LTF: variants seen among roughly 807,000 people sequenced by gnomAD.
LTF encodes the protein lactotransferrin.
A neutral mutation model predicts 87.2 loss-of-function variants in LTF; 91 were observed. The ratio of observed to expected loss-of-function variants is 1.04; its 90% CI spans 0.88 to 1.24. The LOEUF (loss-of-function observed/expected upper bound fraction) is 1.24. LTF is among the 50% of genes most tolerant of loss of function. The pLI is 0.00. For synonymous variants in LTF, 378 were observed against 356.1 expected, an observed-to-expected ratio of 1.06 and a Z score of -0.69; for missense variants, 901 against 904.3, an observed-to-expected ratio of 1.00 and a Z score of 0.05.
chr3:46,464,704 G>C lies in LTF; in HGVS notation c.43+121C>G. The C allele has an allele frequency of 3.7e-6, 4 of 1,082,398 alleles. No individual in the cohort carries two copies. In the South Asian group the frequency reaches 5.5e-5, roughly 15 times the overall value. The allele number at this position is 1,082,398 out of a possible 1,614,324, so 67.0% of individuals were successfully genotyped here. On this transcript the variant is annotated intron_variant, in intron 1 of 16. Coordinates refer to ENST00000231751, the MANE Select transcript of LTF (RefSeq NM_002343.6). ...GGGCCGCCTCCCGGCTGTAGGCGCTGGGACCGCGGGGCGCAGAGACCCCGC... is the reference window on the plus strand; with the variant it reads ...GGGCCGCCTCCCGGCTGTAGGCGCTCGGACCGCGGGGCGCAGAGACCCCGC...
rs6786341 is a variant in LTF at position 46,463,416 on chromosome 3, C to T, written c.43+1409G>A. On this transcript the variant is annotated intron_variant, in intron 1 of 16. Coordinates refer to ENST00000231751, the MANE Select transcript of LTF (RefSeq NM_002343.6). ...CAGACTCCTCCACCCAATGCTCACA[C>T]GGCTTAGATCCAGCTGGCCCCACTC... The T allele has an allele frequency of 9.0e-3, 8,779 of 970,504 alleles. 586 individuals carry two copies. In the African/African-American group the frequency reaches 0.14, roughly 15 times the overall value. The allele number at this position is 970,504 out of a possible 1,614,324, so 60.1% of individuals were successfully genotyped here.
rs779694288 is a variant in LTF, at chr3:46,436,227, G to A, written c.2101C>T (p.Leu701Phe). ...TNLKKCSTSP[L>F]LEACEFLRK ...CTGAGGAATTCACAGGCTTCCAGGAGGGCTGTGGGACACAACAGAGCAAGA... is the reference window on the plus strand; with the variant it reads ...CTGAGGAATTCACAGGCTTCCAGGAAGGCTGTGGGACACAACAGAGCAAGA... The change falls in exon 17 of 17, where the codon CTC (leucine) becomes TTC (phenylalanine). Residue 701 changes from leucine (L) to phenylalanine (F), a missense_variant and splice_region_variant. Physicochemically the swap from Leu to Phe is conservative, Grantham distance 22. Coordinates refer to ENST00000231751, the MANE Select transcript of LTF (RefSeq NM_002343.6). 1.2e-6 allele frequency: 2 copies of A among 1,613,974 alleles called. No individual in the cohort carries two copies. The highest frequency in any genetic ancestry group is 1.7e-6 in the Non-Finnish European group (2 of 1,179,828).
intron 10 of LTF, 138 bp downstream of exon 10, chr3:46,447,170 T>C: frequency 4.5e-6 from 3 of 669,654 alleles, no homozygotes; most frequent in Admixed American, 4.9e-5. Flanking sequence ...GCCCCTTTCA[T>C]TTCTTCTTTC....
At chr3:46,439,031 C>G (rs560272601) in intron 15 of LTF, among the ~76,000 whole-genome samples, 2 of 152,210 alleles carry the variant, frequency 1.3e-5, no homozygotes, top group Non-Finnish European at 2.9e-5. Flanking sequence ...AAGACAGCCT[C>G]TGAGCCAGGC....
chr3:46,463,720 C>T, intron 1 of LTF: 16 of 922,722 alleles, frequency 1.7e-5, no homozygotes, highest in Non-Finnish European at 2.1e-5. Context: ...TCCTCTCCTG[C>T]CCCTCCCAGG....
upstream of LTF, chr3:46,464,926 G>A (rs772109669): frequency 1.3e-5 from 21 of 1,562,792 alleles, no homozygotes; most frequent in Non-Finnish European, 1.9e-5. Context: ...CCTGCCCTGC[G>A]CCCCTTTATT....
rs913542563 is a variant in LTF at position 46,450,011 on chromosome 3, G to A, written c.900C>T (p.Asp300=). ...CAAAGAGCTGGAATTTCGGTGACTT[G>A]TCCTTTCCAAACTTTTCCTAATTAA... The part of the protein sequence containing the change: ...LRQAQEKFGK[D]KSPKFQLFGS... The change falls in exon 8 of 17, where the codon GAC becomes GAT. Residue 300 remains aspartate (D), a synonymous_variant. Transcript: ENST00000231751. 63 of 1,597,428 alleles carry A rather than the reference G, an allele frequency of 3.9e-5. No individual in the cohort carries two copies. Among genetic ancestry groups the A allele is most frequent in the Non-Finnish European group, 5.1e-5 (60 of 1,172,830 alleles).
chr3:46,438,685 A>G (rs1325013202), intron 15 of LTF, among the ~76,000 whole-genome samples: 1 of 152,214 alleles, frequency 6.6e-6, no homozygotes, highest in Non-Finnish European at 1.5e-5. Flanking sequence ...GTGCACATTA[A>G]GAGCTCCATA....
intron 16 of LTF, 42 bp downstream of exon 16, chr3:46,437,898 C>A (rs759742112): frequency 1.9e-6 from 3 of 1,563,648 alleles, no homozygotes; most frequent in Middle Eastern, 1.7e-4. Context: ...TTGACCTTCA[C>A]CCATGGTGGT....
chr3:46,481,446 C>A (rs997277423), intron 1 of LTF, among the ~76,000 whole-genome samples: 1 of 152,218 alleles, frequency 6.6e-6, no homozygotes, highest in South Asian at 2.1e-4. Context: ...GTCTGCCAAA[C>A]AACTTTGTTC....
intron 1 of LTF, among the ~76,000 whole-genome samples, chr3:46,473,302 T>G (rs1325996585): frequency 1.3e-5 from 2 of 152,336 alleles, no homozygotes; most frequent in East Asian, 3.9e-4. Flanking sequence ...TGCTGAAAAC[T>G]ACTTTATTCT....
At chr3:46,463,826 A>G (rs938958048) in intron 1 of LTF, among the ~76,000 whole-genome samples, 8 of 152,134 alleles carry the variant, frequency 5.3e-5, no homozygotes, top group Admixed American at 1.3e-4. Flanking sequence ...TAGAGAAGAG[A>G]AGGATGACCA....
chr3:46,436,244 A>T lies in LTF; in HGVS notation c.2099-15T>A. 6.2e-7 allele frequency: 1 copy of T among 1,612,854 alleles called. No homozygotes were observed. Among genetic ancestry groups the T allele is most frequent in the East Asian group, 2.2e-5 (1 of 44,880 alleles). ...TTCCAGGAGGGCTGTGGGACACAAC[A>T]GAGCAAGAGATTCAGAAACTGATTT... On this transcript the variant is annotated splice_polypyrimidine_tract_variant and intron_variant, in intron 16 of 16. Transcript: ENST00000231751.
rs2230895 is a variant in LTF at position 46,448,875 on chromosome 3, G to A, written c.1200C>T (p.Ile400=). The change falls in exon 9 of 17, where the codon ATC becomes ATT. Residue 400 remains isoleucine (I), a synonymous_variant. Transcript: ENST00000231751. ...CSSASTTEDC[I]ALVLKGEADA... ...TGGAGCTCCCTACCAGCACCAGGGC[G>A]ATGCAGTCCTCTGTGGTGGAGGCCG... 0.096 allele frequency: 154,441 copies of A among 1,612,764 alleles called. 8,982 individuals are homozygous for A. Among genetic ancestry groups the A allele is most frequent in the East Asian group, 0.23 (10,451 of 44,706 alleles).
At chr3:46,448,759 A>G (rs1475967) in intron 9 of LTF, 104 bp downstream of exon 9, 513,312 of 1,383,542 alleles carry the variant, frequency 0.37, 108,728 homozygotes, top group African/African-American at 0.88. Context: ...TGCCTCACCC[A>G]GGCCCCCGTG....
upstream of LTF, among the ~76,000 whole-genome samples, chr3:46,468,026 G>A (rs1026555228): frequency 6.6e-6 from 1 of 152,136 alleles, no homozygotes; most frequent in Non-Finnish European, 1.5e-5. Flanking sequence ...ACCCACCAAA[G>A]AGCCGCAGAG....
At chr3:46,440,813 C>CTAAG (rs1702498245) in intron 14 of LTF, among the ~76,000 whole-genome samples, 1 of 152,108 alleles carries the variant, frequency 6.6e-6, no homozygotes, top group Non-Finnish European at 1.5e-5. Context: ...TGAAGTGGGG[C>CTAAG]TAAGGAGACA....
Position 46,463,321 on chromosome 3 carries a change from AAGC to A in LTF, c.43+1501_43+1503del, listed in dbSNP as rs1463819157. ...ACCCACACAGCTCATGATAGGGCCC[AAGC>A]AGACTGCTCAGACTGATGGGAAACC... On this transcript the variant is annotated intron_variant, in intron 1 of 16. Coordinates refer to ENST00000231751, the MANE Select transcript of LTF (RefSeq NM_002343.6). The A allele has an allele frequency of 2.2e-5, 7 of 318,474 alleles. No homozygotes were observed. In the Admixed American group the frequency reaches 4.5e-4, roughly 21 times the overall value. 19.7% of individuals were successfully genotyped at this position (318,474 alleles called of 1,614,324 possible).
intron 1 of LTF, among the ~76,000 whole-genome samples, chr3:46,484,366 G>A (rs538054754): frequency 6.6e-6 from 1 of 152,288 alleles, no homozygotes; most frequent in South Asian, 2.1e-4. Flanking sequence ...AACACTGCTT[G>A]ATCCTCAGCC....
Sources: gnomAD v4.1 joint callset for allele counts (sites outside exome capture counted in the v4.1 genomes callset) on GRCh38, gnomAD v4.1.1 for gene constraint, MANE v1.5 for transcripts, NCBI Gene and HGNC (gene_info 2026-07-23, HGNC 2026-07-21) for gene names.